Variants in UBE2V2 observed in about 807,000 individuals in gnomAD.
UBE2V2 encodes the protein ubiquitin conjugating enzyme E2 V2.
UBE2V2 carries 9 observed loss-of-function variants against 17.2 expected under a neutral mutation model. The ratio of observed to expected loss-of-function variants is 0.52; its 90% CI spans 0.32 to 0.91. The LOEUF (loss-of-function observed/expected upper bound fraction) is 0.91, where lower values mean the gene tolerates loss of function less well. UBE2V2 is among the 40% of genes least tolerant of loss of function. The pLI, the probability that UBE2V2 is intolerant of heterozygous loss-of-function variation, is 0.04. For synonymous variants in UBE2V2, 61 were observed against 57.5 expected, an observed-to-expected ratio of 1.06 and a Z score of -0.28; for missense variants, 133 against 182.6, an observed-to-expected ratio of 0.73 and a Z score of 1.56.
At chr8:48,033,897 C>T (rs1158135882) in intron 1 of UBE2V2, among the ~76,000 whole-genome samples, 3 of 152,078 alleles carry the variant, frequency 2.0e-5, no homozygotes, top group African/African-American at 7.2e-5. Flanking sequence ...GATGAGGCTG[C>T]AGTGAGTTTT....
Position 48,028,465 on chromosome 8 carries a change from A to C in UBE2V2, c.17-14568A>C, listed in dbSNP as rs182714483. Among the ~76,000 whole-genome samples the C allele has an allele frequency of 3.8e-3, 579 of 152,064 alleles. 4 individuals carry two copies. The highest frequency in any genetic ancestry group is 0.025 in the South Asian group (118 of 4,812). On this transcript the variant is annotated intron_variant, in intron 1 of 3. Coordinates refer to ENST00000523111, the MANE Select transcript of UBE2V2 (RefSeq NM_003350.3). Reference sequence around the variant, plus strand: ...GCAATTCTCCTGCCTCAGCCTCTCAAGTAGCTGGGATTACAGGCATGTGCC... The same window carrying C: ...GCAATTCTCCTGCCTCAGCCTCTCACGTAGCTGGGATTACAGGCATGTGCC...
intron 2 of UBE2V2, among the ~76,000 whole-genome samples, chr8:48,044,721 A>G (rs538930101): frequency 1.3e-5 from 2 of 152,304 alleles, no homozygotes; most frequent in South Asian, 2.1e-4. Flanking sequence ...TGTGAACATC[A>G]TTACTGTGGT....
chr8:48,037,624 C>T (rs2091433547), intron 1 of UBE2V2, among the ~76,000 whole-genome samples: 1 of 152,164 alleles, frequency 6.6e-6, no homozygotes, highest in Non-Finnish European at 1.5e-5. Context: ...TGTCTTGATG[C>T]CCTGCTGAAC....
At chr8:48,007,179 A>G (rs2091189555), upstream of UBE2V2, among the ~76,000 whole-genome samples, 2 of 151,790 alleles carry the variant, frequency 1.3e-5, no homozygotes, top group African/African-American at 4.8e-5. Flanking sequence ...GGCCAAAAGC[A>G]TTCCCTTTGA....
chr8:48,036,659 A>G (rs1589859114), intron 1 of UBE2V2, among the ~76,000 whole-genome samples: 1 of 148,842 alleles, frequency 6.7e-6, no homozygotes, highest in Non-Finnish European at 1.5e-5. Context: ...CTGGTCTTAA[A>G]CTCCTGACCT....
At chr8:48,004,835 AT>A (rs560447500), upstream of UBE2V2, among the ~76,000 whole-genome samples, 135 of 142,072 alleles carry the variant, frequency 9.5e-4, no homozygotes, top group African/African-American at 2.1e-3. Flanking sequence ...GGCCCCCTGC[AT>A]TTTTTTTTTT....
chr8:48,039,633 C>T (rs1254284880), intron 1 of UBE2V2, among the ~76,000 whole-genome samples: 1 of 152,126 alleles, frequency 6.6e-6, no homozygotes, highest in East Asian at 1.9e-4. Flanking sequence ...ATTTAATCTG[C>T]CTATAATTGA....
intron 1 of UBE2V2, among the ~76,000 whole-genome samples, chr8:48,009,272 T>C (rs113973565): frequency 6.4e-4 from 96 of 149,212 alleles, no homozygotes; most frequent in African/African-American, 1.7e-3. Flanking sequence ...CTTTTCTTTT[T>C]TTTTTTTTTT....
chr8:48,060,653 G>A, intron 3 of UBE2V2, 29 bp from the exon 4 acceptor site: 1 of 1,401,610 alleles, frequency 7.1e-7, no homozygotes, highest in Non-Finnish European at 9.3e-7. Flanking sequence ...AAACTTGCTA[G>A]TTAACTGTAC....
chr8:48,009,413 G>A (rs1432429602), intron 1 of UBE2V2, among the ~76,000 whole-genome samples: 1 of 151,766 alleles, frequency 6.6e-6, no homozygotes, highest in African/African-American at 2.4e-5. Flanking sequence ...TTACAGGCGC[G>A]TGCCACCAGG....
rs1236343158 is a variant in UBE2V2 at position 48,063,113 on chromosome 8, C to A, written c.*2285C>A. ...CCTCAGTCTCTTGTCCTGTTTCCTT[C>A]CCCCAAATCCACCATTGTGAAGTTG... On this transcript the variant is annotated 3_prime_UTR_variant, in exon 4 of 4. Coordinates refer to ENST00000523111, the MANE Select transcript of UBE2V2 (RefSeq NM_003350.3). 1 of 152,198 alleles carries A rather than the reference C, an allele frequency of 6.6e-6. No individual in the cohort carries two copies. The highest frequency in any genetic ancestry group is 1.5e-5 in the Non-Finnish European group (1 of 68,050). 9.4% of individuals were successfully genotyped at this position (152,198 alleles called of 1,614,324 possible). A position where few individuals can be genotyped will look rare whatever the true frequency, so the allele number is the denominator to read the frequency against.
chr8:48,023,218 T>C (rs554868532), intron 1 of UBE2V2, among the ~76,000 whole-genome samples: 6 of 151,766 alleles, frequency 4.0e-5, no homozygotes, highest in Non-Finnish European at 5.9e-5. Flanking sequence ...TCTTTAGATA[T>C]ACTTTTTTTT....
At chr8:48,053,678 G>A (rs1318727264) in intron 3 of UBE2V2, among the ~76,000 whole-genome samples, 3 of 151,858 alleles carry the variant, frequency 2.0e-5, no homozygotes, top group Admixed American at 6.6e-5. Context: ...CGCCCGCCTC[G>A]GCCTCCCAAA....
chr8:48,037,082 G>A (rs1297139975), intron 1 of UBE2V2, among the ~76,000 whole-genome samples: 1 of 152,194 alleles, frequency 6.6e-6, no homozygotes, highest in Non-Finnish European at 1.5e-5. Flanking sequence ...GGAAGGCTGA[G>A]GCAGGAGAAT....
In UBE2V2 at chr8:48,008,480, C is replaced by G; in HGVS notation, c.16+10C>G. On this transcript the variant is annotated intron_variant, in intron 1 of 3. Coordinates refer to ENST00000523111, the MANE Select transcript of UBE2V2 (RefSeq NM_003350.3). ...ATGGCGGTCTCCACAGGTCGGTTCCCGGGCCGGGCTGCGTGATTTTCCGCT... is the reference window on the plus strand; with the variant it reads ...ATGGCGGTCTCCACAGGTCGGTTCCGGGGCCGGGCTGCGTGATTTTCCGCT... 1 of 1,566,854 alleles carries G rather than the reference C, an allele frequency of 6.4e-7. No homozygotes were observed. The highest frequency in any genetic ancestry group is 1.2e-5 in the South Asian group (1 of 86,934).
At chr8:48,025,158 G>A (rs1232942643) in intron 1 of UBE2V2, among the ~76,000 whole-genome samples, 1 of 152,132 alleles carries the variant, frequency 6.6e-6, no homozygotes, top group East Asian at 1.9e-4. Context: ...AGATGGTCTC[G>A]ATCTCCTGAC....
At chr8:48,036,529 G>T (rs1392586776) in intron 1 of UBE2V2, among the ~76,000 whole-genome samples, 1 of 151,910 alleles carries the variant, frequency 6.6e-6, no homozygotes, top group Non-Finnish European at 1.5e-5. Flanking sequence ...TGCCACCTGG[G>T]TTCAAGAAAT....
chr8:48,040,040 C>CTTTTTTTTTTTT (rs56888818), intron 1 of UBE2V2, among the ~76,000 whole-genome samples: 1 of 140,326 alleles, frequency 7.1e-6, no homozygotes. Context: ...GCCTTTTCTA[C>CTTTTTTTTTTTT]TTTTTTTTTT....
At chr8:48,040,843 G>GT (rs2091457048) in intron 1 of UBE2V2, among the ~76,000 whole-genome samples, 1 of 108,286 alleles carries the variant, frequency 9.2e-6, no homozygotes, top group East Asian at 3.0e-4. Flanking sequence ...GGCCAGGCTG[G>GT]GTTTTTTTTT....
Sources: allele counts gnomAD v4.1 joint callset (sites outside exome capture counted in the v4.1 genomes callset), GRCh38; gene constraint gnomAD v4.1.1; transcripts MANE v1.5; gene names NCBI Gene and HGNC (gene_info 2026-07-23, HGNC 2026-07-21).